The following FBXL2 variants were observed in gnomAD, a reference collection of about 807,000 sequenced individuals.
FBXL2 encodes the protein F-box and leucine rich repeat protein 2, also known as F-box/LRR-repeat protein 2.
A neutral mutation model predicts 69.2 loss-of-function variants in FBXL2; 38 were observed. That is an observed-to-expected ratio of 0.55 (90% confidence interval 0.42 to 0.72). The LOEUF (loss-of-function observed/expected upper bound fraction) is 0.72. FBXL2 is among the 30% of genes least tolerant of loss of function. The pLI is 0.00. For synonymous variants in FBXL2, 192 were observed against 201.3 expected (o/e 0.95, Z 0.39); for missense variants, 354 against 520.3 (o/e 0.68, Z 3.11).
chr3:33,343,147 A>C (rs2040191225), intron 2 of FBXL2, among the ~76,000 whole-genome samples: 1 of 151,998 alleles, frequency 6.6e-6, no homozygotes, highest in Admixed American at 6.6e-5. Flanking sequence ...TATTCAAAGC[A>C]ATTATATATA....
chr3:33,340,202 T>G (rs112370158), intron 2 of FBXL2, among the ~76,000 whole-genome samples: 2 of 152,152 alleles, frequency 1.3e-5, no homozygotes, highest in Non-Finnish European at 2.9e-5. Flanking sequence ...GAGAGTGAGA[T>G]AGTGGTATTA....
At chr3:33,306,047 T>C (rs1016476048) in intron 2 of FBXL2, among the ~76,000 whole-genome samples, 1 of 152,032 alleles carries the variant, frequency 6.6e-6, no homozygotes, top group African/African-American at 2.4e-5. Context: ...CATGTCTCTG[T>C]AAAAATTTTT....
At chr3:33,344,926 G>C (rs1331496933) in intron 2 of FBXL2, among the ~76,000 whole-genome samples, 8 of 152,190 alleles carry the variant, frequency 5.3e-5, no homozygotes, top group Admixed American at 5.2e-4. Flanking sequence ...ACCAAAGTCT[G>C]AAGATTCCTG....
the FBXL2 span, among the ~76,000 whole-genome samples, chr3:33,411,287 C>T: frequency 6.6e-6 from 1 of 152,022 alleles, no homozygotes; most frequent in Non-Finnish European, 1.5e-5. Flanking sequence ...TTTTAAATAG[C>T]AGCTTGTGTT....
At chr3:33,292,225 C>T (rs375994657) in intron 1 of FBXL2, among the ~76,000 whole-genome samples, 1 of 152,010 alleles carries the variant, frequency 6.6e-6, no homozygotes, top group South Asian at 2.1e-4. Flanking sequence ...ACTAAAAATA[C>T]AAAAATTAAC....
chr3:33,415,769 G>A, the FBXL2 span, among the ~76,000 whole-genome samples: 1 of 150,776 alleles, frequency 6.6e-6, no homozygotes, highest in South Asian at 2.1e-4. Context: ...AAAAAACACA[G>A]AACAAAGAAA....
chr3:33,406,745 A>G (rs1477562302), downstream of FBXL2, among the ~76,000 whole-genome samples: 4 of 152,214 alleles, frequency 2.6e-5, no homozygotes, highest in Non-Finnish European at 5.9e-5. Flanking sequence ...GCTCATAGTT[A>G]TGGTTTCGGT....
chr3:33,418,860 CAAAAAAAAAAA>C, the FBXL2 span, among the ~76,000 whole-genome samples: 1 of 76,768 alleles, frequency 1.3e-5, no homozygotes, highest in African/African-American at 5.0e-5. Flanking sequence ...ACTCTGTCTC[CAAAAAAAAAAA>C]AAAAAAAAAA....
chr3:33,364,695 T>C lies in FBXL2; in HGVS notation c.266T>C (p.Ile89Thr). ...FLRKLSLRGC[I>T]GVGDSSLKTF... ...AGGAAGCTCAGCTTGCGAGGCTGCA[T>C]TGGTGTTGGGGATTCCTCCTTGAAG... The change falls in exon 5 of 15, where the codon ATT becomes ACT. Residue 89 changes from isoleucine to threonine, a missense_variant. By Grantham distance (89) the Ile-to-Thr change is moderately conservative (BLOSUM62 -1). Coordinates refer to ENST00000484457, the MANE Select transcript of FBXL2 (RefSeq NM_012157.5). 2 of 1,614,126 alleles carry C rather than the reference T, an allele frequency of 1.2e-6. No homozygotes were observed. Among genetic ancestry groups the C allele is most frequent in the South Asian group, 1.1e-5 (1 of 91,082 alleles).
intron 1 of FBXL2, among the ~76,000 whole-genome samples, chr3:33,295,307 C>A (rs2035631973): frequency 6.6e-6 from 1 of 152,130 alleles, no homozygotes; most frequent in South Asian, 2.1e-4. Context: ...CATGGATTTG[C>A]CTTTTCTGGA....
At chr3:33,395,764 A>G (rs1199397720) in intron 12 of FBXL2, among the ~76,000 whole-genome samples, 4 of 151,270 alleles carry the variant, frequency 2.6e-5, no homozygotes, top group Non-Finnish European at 5.9e-5. Flanking sequence ...AAAAAAAAAA[A>G]AAAAAAAAAG....
At position 33,378,144 on chromosome 3, in the gene FBXL2, C is replaced by G. The variant is rs2042765462; in HGVS notation, c.891C>G (p.Ile297Met). The G allele has an allele frequency of 6.2e-7, 1 of 1,614,130 alleles. No homozygotes were observed. Among genetic ancestry groups the G allele is most frequent in the Non-Finnish European group, 8.5e-7 (1 of 1,179,982 alleles). Reference sequence around the variant, plus strand: ...AGAAGATGGATCTTGAAGAATGCATCCTGGTGAGTGGACTCCTGACAGCCC... The same window carrying G: ...AGAAGATGGATCTTGAAGAATGCATGCTGGTGAGTGGACTCCTGACAGCCC... Reference protein sequence around the residue: ...ELEKMDLEECILITDSTLIQL... With the variant: ...ELEKMDLEECMLITDSTLIQL... Residue 297 changes from isoleucine to methionine, a missense_variant, in exon 12 of 15, where the codon ATC becomes ATG. By Grantham distance (10) the Ile-to-Met change is conservative. Transcript: ENST00000484457.
At chr3:33,421,664 CT>C in the FBXL2 span, among the ~76,000 whole-genome samples, 1 of 152,230 alleles carries the variant, frequency 6.6e-6, no homozygotes, top group Admixed American at 6.5e-5. Context: ...GGAAAACTTG[CT>C]CCAATTTCTA....
chr3:33,396,174 C>A, intron 12 of FBXL2: 1 of 1,581,028 alleles, frequency 6.3e-7, no homozygotes. Context: ...TAGGGTGCCC[C>A]ACTGCCATTC....
chr3:33,323,289 A>G (rs1244753855), intron 2 of FBXL2, among the ~76,000 whole-genome samples: 1 of 152,134 alleles, frequency 6.6e-6, no homozygotes. Flanking sequence ...GTTGACTTAC[A>G]GTTTTAAAAT....
At chr3:33,396,781 AGTC>A in intron 12 of FBXL2, 1 of 629,472 alleles carries the variant, frequency 1.6e-6, no homozygotes, top group Non-Finnish European at 2.9e-6. Flanking sequence ...CAACAAACCC[AGTC>A]GTCTTCAAGA....
intron 1 of FBXL2, among the ~76,000 whole-genome samples, chr3:33,283,295 A>T (rs1337784536): frequency 6.6e-6 from 1 of 152,154 alleles, no homozygotes; most frequent in African/African-American, 2.4e-5. Context: ...TTCTGCATCT[A>T]TTGAGATAAT....
chr3:33,298,872 A>T (rs2035995197), intron 2 of FBXL2, among the ~76,000 whole-genome samples: 1 of 151,976 alleles, frequency 6.6e-6, no homozygotes, highest in Non-Finnish European at 1.5e-5. Flanking sequence ...TTTTGTGATC[A>T]AATAACTATA....
At chr3:33,410,232 C>T in the FBXL2 span, among the ~76,000 whole-genome samples, 1 of 152,204 alleles carries the variant, frequency 6.6e-6, no homozygotes, top group Non-Finnish European at 1.5e-5. Flanking sequence ...CTAATACCCA[C>T]CCTGGATGAC....
Sources: allele counts gnomAD v4.1 joint callset (sites outside exome capture counted in the v4.1 genomes callset), GRCh38; gene constraint gnomAD v4.1.1; transcripts MANE v1.5; gene names NCBI Gene and HGNC (gene_info 2026-07-23, HGNC 2026-07-21).